Variants in NTM observed in about 807,000 individuals in gnomAD.
NTM encodes the protein neurotrimin, also known as IgLON family member 2.
A neutral mutation model predicts 42.1 loss-of-function variants in NTM; 13 were observed. The ratio of observed to expected loss-of-function variants is 0.31; its 90% CI spans 0.20 to 0.49. The LOEUF (loss-of-function observed/expected upper bound fraction) is 0.49, where lower values mean the gene tolerates loss of function less well. Among genes scored for constraint, NTM ranks in the 20% least tolerant of loss-of-function variants. The probability of loss-of-function intolerance (pLI) is 0.99; values close to 1 mark genes in which losing one functional copy is unlikely to be tolerated. For missense variants in NTM, 373 were observed against 452.8 expected, an observed-to-expected ratio of 0.82 and a Z score of 1.60; for synonymous variants, 187 against 179.2, an observed-to-expected ratio of 1.04 and a Z score of -0.35.
At chr11:132,277,282 T>G (rs535887784) in intron 4 of NTM, among the ~76,000 whole-genome samples, 1 of 152,296 alleles carries the variant, frequency 6.6e-6, no homozygotes, top group Admixed American at 6.5e-5. Context: ...TTTATCGACT[T>G]ACTTACAAGT....
intron 1 of NTM, among the ~76,000 whole-genome samples, chr11:131,567,481 C>A (rs2057014718): frequency 6.6e-6 from 1 of 152,042 alleles, no homozygotes; most frequent in Non-Finnish European, 1.5e-5. Context: ...GAGCAAGAAT[C>A]TGTCTGAAAA....
chr11:132,198,295 T>A (rs980667905), intron 3 of NTM, among the ~76,000 whole-genome samples: 4 of 151,664 alleles, frequency 2.6e-5, no homozygotes, highest in Non-Finnish European at 4.4e-5. Context: ...AGCCTCAACT[T>A]CCTGAGCTAA....
intron 1 of NTM, among the ~76,000 whole-genome samples, chr11:131,434,740 G>T (rs1948982173): frequency 1.3e-5 from 2 of 152,292 alleles, no homozygotes; most frequent in African/African-American, 4.8e-5. Context: ...TCTGTAGGTT[G>T]CCTATTCACT....
At chr11:131,801,080 G>A (rs1358716020) in intron 1 of NTM, among the ~76,000 whole-genome samples, 4 of 152,172 alleles carry the variant, frequency 2.6e-5, no homozygotes, top group African/African-American at 4.8e-5. Flanking sequence ...GAATTCAGAA[G>A]TGGTTGGGGG....
chr11:131,898,479 A>G (rs1161968052), intron 1 of NTM, among the ~76,000 whole-genome samples: 1 of 152,164 alleles, frequency 6.6e-6, no homozygotes, highest in Non-Finnish European at 1.5e-5. Flanking sequence ...GTTCTTTTGA[A>G]ATTGTGTACA....
At position 131,605,093 on chromosome 11, in the gene NTM, C is replaced by CA. The variant is rs372416946; in HGVS notation, c.82+234215dup. 4.7e-3 allele frequency among the ~76,000 whole-genome samples: 670 copies of CA among 142,906 alleles called. 6 individuals carry two copies. Among genetic ancestry groups the CA allele is most frequent in the African/African-American group, 0.014 (546 of 38,958 alleles). The allele number at this position is 142,906 out of a possible 152,430, so 93.8% of individuals were successfully genotyped here. ...TTTAGGATCATCTTGTCAATTTCTG[C>CA]AAAAAAAAAAGCCACATTGAGATTT... is the stretch of plus-strand genomic sequence containing the variant. On this transcript the variant is annotated intron_variant, in intron 1 of 8. Coordinates refer to ENST00000683400, the MANE Select transcript of NTM (RefSeq NM_001352005.2).
In NTM at chr11:131,542,689, C is replaced by T. The variant is rs186833952; in HGVS notation, c.82+171801C>T. Among the ~76,000 whole-genome samples, 9 of 152,242 alleles carry T rather than the reference C, an allele frequency of 5.9e-5. No individual in the cohort carries two copies. The East Asian group carries it at 1.5e-3, about 26-fold the overall frequency. On this transcript the variant is annotated intron_variant, in intron 1 of 8. Transcript: ENST00000683400. ...CCCTACTTCCACTAGTGAGTTAGTT[C>T]AAGAGCCTAAGTGTCTCCAGGTAGC...
chr11:132,330,085 C>A, intron 7 of NTM, 68 bp from the exon 8 acceptor site: 1 of 1,544,912 alleles, frequency 6.5e-7, no homozygotes, highest in South Asian at 1.2e-5. Flanking sequence ...CTGAAATCAT[C>A]TGAGGGCAAA....
chr11:131,487,583 A>G (rs77533621), intron 1 of NTM, among the ~76,000 whole-genome samples: 6,697 of 152,324 alleles, frequency 0.044, 179 homozygotes, highest in Non-Finnish European at 0.059. Flanking sequence ...CCAGGGTAAC[A>G]ATAGAAAACA....
intron 1 of NTM, among the ~76,000 whole-genome samples, chr11:131,587,539 A>T (rs1274640519): frequency 6.6e-6 from 1 of 152,234 alleles, no homozygotes; most frequent in Non-Finnish European, 1.5e-5. Flanking sequence ...ATTATTAAAT[A>T]CAATCCCATT....
chr11:132,125,099 C>T (rs1050643437), intron 2 of NTM, among the ~76,000 whole-genome samples: 1 of 152,202 alleles, frequency 6.6e-6, no homozygotes, highest in African/African-American at 2.4e-5. Context: ...ACACTGCCCG[C>T]ATATCTGTCT....
intron 1 of NTM, among the ~76,000 whole-genome samples, chr11:131,627,505 A>G (rs2063236587): frequency 6.6e-6 from 1 of 152,100 alleles, no homozygotes; most frequent in Admixed American, 6.6e-5. Flanking sequence ...ACCATCTCTA[A>G]GACTATTGGA....
At chr11:131,543,939 G>A (rs318981) in intron 1 of NTM, among the ~76,000 whole-genome samples, 98,474 of 152,134 alleles carry the variant, frequency 0.65, 35,747 homozygotes, top group Non-Finnish European at 0.81. Context: ...CAGCTCCTGC[G>A]TGTTAGCAAA....
intron 7 of NTM, among the ~76,000 whole-genome samples, chr11:132,321,668 A>G (rs1178092976): frequency 2.0e-5 from 3 of 151,874 alleles, no homozygotes; most frequent in East Asian, 1.9e-4. Flanking sequence ...GATTCAGGAA[A>G]TACAGAGAAT....
intron 1 of NTM, among the ~76,000 whole-genome samples, chr11:131,677,922 G>T (rs2658827): frequency 0.76 from 116,025 of 152,044 alleles, 44,377 homozygotes; most frequent in African/African-American, 0.79. Flanking sequence ...AAAGTCACAG[G>T]GTTGATTTGA....
At chr11:131,754,532 A>G (rs2083056950) in intron 1 of NTM, among the ~76,000 whole-genome samples, 1 of 151,862 alleles carries the variant, frequency 6.6e-6, no homozygotes, top group Non-Finnish European at 1.5e-5. Context: ...GGCTGAGGCA[A>G]GAGAATTGCT....
chr11:131,792,884 A>G (rs2091125055), intron 1 of NTM, among the ~76,000 whole-genome samples: 5 of 152,240 alleles, frequency 3.3e-5, no homozygotes, highest in Admixed American at 3.3e-4. Context: ...TACTTATGGA[A>G]GAAGTCATAT....
chr11:132,012,891 G>A (rs2072546517), intron 2 of NTM, among the ~76,000 whole-genome samples: 1 of 152,100 alleles, frequency 6.6e-6, no homozygotes, highest in South Asian at 2.1e-4. Context: ...GTAGCCTCAG[G>A]TTTCTTTCTT....
At chr11:131,423,425 T>C (rs1042809026) in intron 1 of NTM, among the ~76,000 whole-genome samples, 2 of 152,212 alleles carry the variant, frequency 1.3e-5, no homozygotes, top group Non-Finnish European at 2.9e-5. Context: ...CCCCCAAACA[T>C]CTGCATTCTC....
Sources: allele counts gnomAD v4.1 joint callset (sites outside exome capture counted in the v4.1 genomes callset), GRCh38; gene constraint gnomAD v4.1.1; transcripts MANE v1.5; gene names NCBI Gene and HGNC (gene_info 2026-07-23, HGNC 2026-07-21).